DLG2: variants seen among roughly 807,000 people sequenced by gnomAD.
DLG2 encodes the protein discs large MAGUK scaffold protein 2.
In DLG2, 45 loss-of-function variants were observed where a neutral mutation model predicts 132.5. The observed-to-expected ratio is 0.34, with a 90% CI of 0.27 to 0.44. DLG2 has a LOEUF of 0.44. DLG2 is among the 20% of genes least tolerant of loss of function. DLG2 has a pLI of 1.00. For missense variants in DLG2, 1,045 were observed against 1,196.9 expected, an observed-to-expected ratio of 0.87 and a Z score of 1.87; for synonymous variants, 424 against 419.6, an observed-to-expected ratio of 1.01 and a Z score of -0.13.
At chr11:84,151,498 A>C (rs2095292249) in intron 9 of DLG2, among the ~76,000 whole-genome samples, 1 of 152,100 alleles carries the variant, frequency 6.6e-6, no homozygotes, top group African/African-American at 2.4e-5. Context: ...TAAAGAAACA[A>C]CTACTGGTTT....
At chr11:84,431,826 C>T (rs1228798898) in intron 7 of DLG2, among the ~76,000 whole-genome samples, 1 of 152,080 alleles carries the variant, frequency 6.6e-6, no homozygotes, top group East Asian at 1.9e-4. Context: ...AAATATTTTT[C>T]ACTTTTTAAC....
At chr11:84,030,316 G>T (rs371820943) in intron 11 of DLG2, among the ~76,000 whole-genome samples, 4 of 152,012 alleles carry the variant, frequency 2.6e-5, no homozygotes, top group African/African-American at 9.6e-5. Context: ...ACATAAAATG[G>T]CATCTTAAAT....
chr11:84,128,340 T>A (rs1281029995), intron 9 of DLG2, among the ~76,000 whole-genome samples: 1 of 152,200 alleles, frequency 6.6e-6, no homozygotes. Context: ...AATGTATACT[T>A]TGTTGGAGTA....
intron 9 of DLG2, among the ~76,000 whole-genome samples, chr11:84,158,726 T>C (rs1226911838): frequency 2.0e-5 from 3 of 152,172 alleles, no homozygotes; most frequent in African/African-American, 7.2e-5. Flanking sequence ...TTATTTGTCA[T>C]TGGGTATTTG....
At chr11:83,631,167 C>CTTTTTTTTTTTT (rs57696126) in intron 19 of DLG2, 3 of 91,624 alleles carry the variant, frequency 3.3e-5, no homozygotes, top group Non-Finnish European at 6.4e-5. Flanking sequence ...TTGCTTCTTG[C>CTTTTTTTTTTTT]TTTTTTTTTT....
intron 10 of DLG2, among the ~76,000 whole-genome samples, chr11:84,078,612 T>C (rs2096860023): frequency 1.3e-5 from 2 of 152,212 alleles, no homozygotes. Context: ...AGGCTTCTTC[T>C]TGGGCAGGTC....
At chr11:85,210,582 A>G (rs891831265) in intron 4 of DLG2, among the ~76,000 whole-genome samples, 1 of 151,712 alleles carries the variant, frequency 6.6e-6, no homozygotes, top group Non-Finnish European at 1.5e-5. Flanking sequence ...GAACTAAGCC[A>G]CTCAGATCTC....
intron 6 of DLG2, among the ~76,000 whole-genome samples, chr11:85,081,613 C>A (rs1489270840): frequency 6.6e-6 from 1 of 152,134 alleles, no homozygotes; most frequent in Non-Finnish European, 1.5e-5. Context: ...GACATTGAGG[C>A]AAGGGTGGAG....
chr11:85,160,853 C>T (rs568734593), intron 4 of DLG2, among the ~76,000 whole-genome samples: 1 of 151,588 alleles, frequency 6.6e-6, no homozygotes, highest in South Asian at 2.1e-4. Flanking sequence ...CCCCTGCATA[C>T]TACAGCTGCA....
chr11:84,194,614 T>C (rs1177052856), intron 8 of DLG2, among the ~76,000 whole-genome samples: 1 of 152,204 alleles, frequency 6.6e-6, no homozygotes, highest in African/African-American at 2.4e-5. Context: ...AGGGTACTGA[T>C]TGGTGCATTT....
At chr11:83,869,365 A>T (rs2062998698) in intron 16 of DLG2, among the ~76,000 whole-genome samples, 1 of 152,184 alleles carries the variant, frequency 6.6e-6, no homozygotes, top group Non-Finnish European at 1.5e-5. Context: ...AGAGAGAATA[A>T]TTCCATTAGA....
intron 6 of DLG2, among the ~76,000 whole-genome samples, chr11:85,006,886 T>C (rs1023552532): frequency 3.9e-5 from 6 of 152,126 alleles, no homozygotes; most frequent in Admixed American, 1.3e-4. Context: ...AATTTCCCTC[T>C]AAATATATTT....
At chr11:84,521,986 C>G (rs533507748) in intron 7 of DLG2, among the ~76,000 whole-genome samples, 44 of 152,016 alleles carry the variant, frequency 2.9e-4, no homozygotes, top group African/African-American at 9.9e-4. Context: ...CATGATGAAA[C>G]CCCGTCTCTA....
At chr11:84,424,295 T>A (rs368180009) in intron 7 of DLG2, among the ~76,000 whole-genome samples, 3 of 152,124 alleles carry the variant, frequency 2.0e-5, no homozygotes, top group Non-Finnish European at 4.4e-5. Context: ...TTGTGGAGCA[T>A]GTGATTACAA....
intron 7 of DLG2, chr11:84,316,734 C>T: frequency 7.3e-7 from 1 of 1,360,604 alleles, no homozygotes; most frequent in East Asian, 2.5e-5. Context: ...ACCCGTGGTA[C>T]TCTGCAAAGT....
intron 3 of DLG2, among the ~76,000 whole-genome samples, chr11:85,377,803 A>ATAATG (rs35141583): frequency 7.6e-6 from 1 of 131,292 alleles, no homozygotes; most frequent in East Asian, 2.2e-4. Flanking sequence ...ATATATATAT[A>ATAATG]TGTGTGTGTG....
chr11:85,128,145 A>G (rs1407969230), intron 5 of DLG2, among the ~76,000 whole-genome samples: 1 of 152,186 alleles, frequency 6.6e-6, no homozygotes, highest in East Asian at 1.9e-4. Context: ...CATAATAAAA[A>G]TGAATAGTAC....
chr11:85,007,574 G>A (rs1413010995), intron 6 of DLG2, among the ~76,000 whole-genome samples: 5 of 149,572 alleles, frequency 3.3e-5, no homozygotes, highest in African/African-American at 7.4e-5. Flanking sequence ...GCTGAGGCAG[G>A]AGAATGGCGT....
At chr11:84,361,953 T>C (rs2098652134) in intron 7 of DLG2, among the ~76,000 whole-genome samples, 1 of 151,802 alleles carries the variant, frequency 6.6e-6, no homozygotes, top group Admixed American at 6.6e-5. Flanking sequence ...ACAAAAAGGC[T>C]CAACTCAAAA....
Sources: gnomAD v4.1 joint callset for allele counts (sites outside exome capture counted in the v4.1 genomes callset) on GRCh38, gnomAD v4.1.1 for gene constraint, MANE v1.5 for transcripts, NCBI Gene and HGNC (gene_info 2026-07-23, HGNC 2026-07-21) for gene names.